Variants in SH3RF3 observed in about 807,000 individuals in gnomAD.
The protein encoded by SH3RF3 is SH3 domain containing ring finger 3.
A neutral mutation model predicts 66.3 loss-of-function variants in SH3RF3; 29 were observed. That is an observed-to-expected ratio of 0.44 (90% confidence interval 0.33 to 0.60). The LOEUF (loss-of-function observed/expected upper bound fraction) is 0.60. SH3RF3 is among the 20% of genes least tolerant of loss of function. The pLI is 0.04. For missense variants in SH3RF3, 1,194 were observed against 1,190.9 expected (o/e 1.00, Z -0.04); for synonymous variants, 583 against 532.0 (o/e 1.10, Z -1.32).
chr2:109,174,453 C>T (rs1417299394), intron 1 of SH3RF3, among the ~76,000 whole-genome samples: 2 of 152,186 alleles, frequency 1.3e-5, no homozygotes, highest in Non-Finnish European at 2.9e-5. Context: ...GAGTGGTGCC[C>T]TGATCAGAGT....
intron 1 of SH3RF3, among the ~76,000 whole-genome samples, chr2:109,248,609 G>A (rs1331433245): frequency 6.6e-6 from 1 of 152,220 alleles, no homozygotes; most frequent in South Asian, 2.1e-4. Context: ...GACCAAACAT[G>A]TATATTAAAT....
At chr2:109,291,471 C>T (rs568433499) in intron 1 of SH3RF3, among the ~76,000 whole-genome samples, 76 of 152,242 alleles carry the variant, frequency 5.0e-4, no homozygotes, top group African/African-American at 1.7e-3. Context: ...CCAGGAGGAC[C>T]GGGCTCAGGG....
chr2:109,200,285 C>T (rs145218650), intron 1 of SH3RF3, among the ~76,000 whole-genome samples: 44 of 152,234 alleles, frequency 2.9e-4, no homozygotes, highest in African/African-American at 9.4e-4. Context: ...TCTCAGTGGG[C>T]GTCTGTTTGC....
At chr2:109,283,930 T>G (rs1366331776) in intron 1 of SH3RF3, among the ~76,000 whole-genome samples, 1 of 152,208 alleles carries the variant, frequency 6.6e-6, no homozygotes, top group Non-Finnish European at 1.5e-5. Context: ...TCCATCTCAC[T>G]TGGGGAGGCC....
At chr2:109,499,404 A>T (rs1220210041) in intron 9 of SH3RF3, among the ~76,000 whole-genome samples, 1 of 152,182 alleles carries the variant, frequency 6.6e-6, no homozygotes, top group Non-Finnish European at 1.5e-5. Flanking sequence ...CACATGTGGG[A>T]TCTGGGCTTT....
intron 1 of SH3RF3, among the ~76,000 whole-genome samples, chr2:109,197,934 G>A (rs922329309): frequency 6.6e-6 from 1 of 152,254 alleles, no homozygotes; most frequent in Non-Finnish European, 1.5e-5. Context: ...CCCTTGGGCA[G>A]CCTTGGTTAT....
At position 109,502,923 on chromosome 2, in the gene SH3RF3, G is replaced by A. The variant is rs567873311; in HGVS notation, c.*1252G>A. On this transcript the variant is annotated 3_prime_UTR_variant, in exon 10 of 10. Coordinates refer to ENST00000309415, the MANE Select transcript of SH3RF3 (RefSeq NM_001099289.3). ...AATAACTGCTCCCATTTCAGGCAGT[G>A]CAAACCTTCATCTGCTGGAGACCAG... The A allele has an allele frequency of 1.3e-5, 2 of 152,356 alleles. No individual in the cohort carries two copies. The highest frequency in any genetic ancestry group is 4.1e-4 in the South Asian group (2 of 4,834). 9.4% of individuals were successfully genotyped at this position (152,356 alleles called of 1,614,324 possible). A position where few individuals can be genotyped will look rare whatever the true frequency, so the allele number is the denominator to read the frequency against.
intron 3 of SH3RF3, among the ~76,000 whole-genome samples, chr2:109,380,967 G>A (rs1309409335): frequency 2.6e-5 from 4 of 152,238 alleles, no homozygotes; most frequent in Non-Finnish European, 4.4e-5. Context: ...AGCAGGAGTC[G>A]TTGCTGATTG....
chr2:109,439,065 A>C (rs748393115), intron 7 of SH3RF3, among the ~76,000 whole-genome samples: 4 of 152,172 alleles, frequency 2.6e-5, no homozygotes, highest in Non-Finnish European at 4.4e-5. Flanking sequence ...GCCTTGCTAG[A>C]AACGTTCCCA....
rs751507262 is a variant in SH3RF3 at position 109,432,486 on chromosome 2, A to G, written c.1404-15A>G. The G allele has an allele frequency of 1.1e-5, 18 of 1,612,412 alleles. No homozygotes were observed. In the East Asian group the frequency reaches 1.3e-4, roughly 12 times the overall value. On this transcript the variant is annotated splice_polypyrimidine_tract_variant and intron_variant, in intron 5 of 9. Coordinates refer to ENST00000309415, the MANE Select transcript of SH3RF3 (RefSeq NM_001099289.3). ...GAGGGCTCCCACTGACACTGGCCCC[A>G]TGCTTTGCCCGCAGGTACCTGGCGC...
At chr2:109,335,673 C>T (rs973196457) in intron 1 of SH3RF3, among the ~76,000 whole-genome samples, 4 of 152,182 alleles carry the variant, frequency 2.6e-5, no homozygotes, top group Non-Finnish European at 5.9e-5. Flanking sequence ...GGAACATAAA[C>T]TCCACCCGGG....
chr2:109,203,235 G>A (rs1330771743), intron 1 of SH3RF3, among the ~76,000 whole-genome samples: 1 of 152,228 alleles, frequency 6.6e-6, no homozygotes, highest in Non-Finnish European at 1.5e-5. Flanking sequence ...TCTTCAGAGA[G>A]CCCCAGGGCA....
intron 1 of SH3RF3, among the ~76,000 whole-genome samples, chr2:109,155,278 T>C (rs1677317615): frequency 6.6e-6 from 1 of 152,136 alleles, no homozygotes; most frequent in Admixed American, 6.5e-5. Flanking sequence ...TTTTAAGTGA[T>C]TATAGAGTTG....
intron 1 of SH3RF3, among the ~76,000 whole-genome samples, chr2:109,307,405 G>T (rs1050084426): frequency 1.3e-5 from 2 of 150,258 alleles, no homozygotes; most frequent in Non-Finnish European, 2.9e-5. Flanking sequence ...CGGAAGCTTG[G>T]AGCAGATAAG....
At chr2:109,489,372 T>TG (rs1305491827) in intron 8 of SH3RF3, among the ~76,000 whole-genome samples, 2 of 152,222 alleles carry the variant, frequency 1.3e-5, no homozygotes, top group Non-Finnish European at 2.9e-5. Flanking sequence ...GCATGTGGCC[T>TG]GGGGGGACTT....
intron 1 of SH3RF3, among the ~76,000 whole-genome samples, chr2:109,164,368 G>T (rs1388636619): frequency 6.6e-6 from 1 of 152,178 alleles, no homozygotes; most frequent in Non-Finnish European, 1.5e-5. Flanking sequence ...AATTTTGTTA[G>T]AGATGGGGTC....
chr2:109,227,465 T>C (rs17269668), intron 1 of SH3RF3, among the ~76,000 whole-genome samples: 9,886 of 152,264 alleles, frequency 0.065, 438 homozygotes, highest in Middle Eastern at 0.12. Flanking sequence ...ACTGGAGTTA[T>C]GAGGATGGTG....
At chr2:109,254,985 T>G (rs550599026) in intron 1 of SH3RF3, among the ~76,000 whole-genome samples, 3 of 152,196 alleles carry the variant, frequency 2.0e-5, no homozygotes, top group Non-Finnish European at 4.4e-5. Context: ...TGGTTCAGGT[T>G]AGGTTACTCC....
Position 109,273,278 on chromosome 2 carries a change from A to G in SH3RF3, c.574-74396A>G, listed in dbSNP as rs1444113440. Among the ~76,000 whole-genome samples, 3 of 152,212 alleles carry G rather than the reference A, an allele frequency of 2.0e-5. No individual in the cohort carries two copies. In the East Asian group the frequency reaches 5.8e-4, roughly 29 times the overall value. ...AAGGCACATGTGTTTCTGTGGATGT[A>G]TCTGTGGGGCACTCAGGGCCCTGGA... On this transcript the variant is annotated intron_variant, in intron 1 of 9. Coordinates refer to ENST00000309415, the MANE Select transcript of SH3RF3 (RefSeq NM_001099289.3).
Sources: gnomAD v4.1 joint callset for allele counts (sites outside exome capture counted in the v4.1 genomes callset) on GRCh38, gnomAD v4.1.1 for gene constraint, MANE v1.5 for transcripts, NCBI Gene and HGNC (gene_info 2026-07-23, HGNC 2026-07-21) for gene names.